CHST6: variants seen among roughly 807,000 people sequenced by gnomAD.
The protein encoded by CHST6 is carbohydrate sulfotransferase 6, also known as N-acetylglucosamine 6-O-sulfotransferase 5.
For synonymous variants in CHST6, 309 were observed against 276.4 expected (o/e 1.12, Z -1.17); for missense variants, 698 against 586.2 (o/e 1.19, Z -1.97).
rs1210182997 is a variant in CHST6, at chr16:75,485,504, C to T, written c.-91-3613G>A. Among the ~76,000 whole-genome samples the T allele has an allele frequency of 3.9e-5, 6 of 152,290 alleles. No individual in the cohort carries two copies. In the East Asian group the frequency reaches 1.2e-3, roughly 29 times the overall value. On this transcript the variant is annotated intron_variant, in intron 1 of 2. Transcript: ENST00000332272. ...AAACCTAAAACCAGAGCAAAACACT[C>T]CAGCTCACAGCTGAAGCTCACAGCT...
chr16:75,479,676 C>T lies in CHST6; in HGVS notation c.153G>A (p.Ser51=), dbSNP rs754836300. 13 of 1,612,346 alleles carry T rather than the reference C, an allele frequency of 8.1e-6. 1 individual carries two copies. The South Asian group carries it at 9.9e-5, about 12-fold the overall frequency. ...VHVLVLSSWR[S]GSSFVGQLFN... The stretch of plus-strand genomic sequence containing the variant: ...AGAGTTGGCCCACGAAGGACGAGCC[C>T]GAGCGCCACGAGGACAGCACCAGCA... Residue 51 remains serine (S), a synonymous_variant, in exon 3 of 3, where the codon TCG becomes TCA. Transcript: ENST00000332272.
At chr16:75,480,855 G>A (rs113244329) in intron 2 of CHST6, among the ~76,000 whole-genome samples, 287 of 150,672 alleles carry the variant, frequency 1.9e-3, no homozygotes, top group African/African-American at 6.4e-3. Context: ...GCTTGAACCC[G>A]GGAGGCAGAG....
Position 75,478,640 on chromosome 16 carries a change from A to C in CHST6, c.*1T>G. 6.2e-7 allele frequency: 1 copy of C among 1,613,232 alleles called. No homozygotes were observed. The highest frequency in any genetic ancestry group is 8.5e-7 in the Non-Finnish European group (1 of 1,179,762). On this transcript the variant is annotated 3_prime_UTR_variant, in exon 3 of 3. Transcript: ENST00000332272. ...AGCGCCTGCTACAACTGTGGCCTCCACTAATTTCGGGGGTGCGAGGCGGTG... is the reference window on the plus strand; with the variant it reads ...AGCGCCTGCTACAACTGTGGCCTCCCCTAATTTCGGGGGTGCGAGGCGGTG...
chr16:75,477,361 C>T lies in CHST6; in HGVS notation c.*1280G>A, dbSNP rs567231161. ...GGTTCCCCCAATCTGTGGCCACACC[C>T]AGGATGAGGATCAGAAGCTAGTGAC... On this transcript the variant is annotated 3_prime_UTR_variant, in exon 3 of 3. Coordinates refer to ENST00000332272, the MANE Select transcript of CHST6 (RefSeq NM_021615.5). 1.3e-5 allele frequency: 2 copies of T among 152,214 alleles called. No homozygotes were observed. Among genetic ancestry groups the T allele is most frequent in the South Asian group, 4.1e-4 (2 of 4,826 alleles). 9.4% of individuals were successfully genotyped at this position (152,214 alleles called of 1,614,324 possible).
chr16:75,478,241 G>T lies in CHST6; in HGVS notation c.*400C>A, dbSNP rs1033050286. 2.9e-6 allele frequency: 1 copy of T among 340,270 alleles called. No individual in the cohort carries two copies. Among genetic ancestry groups the T allele is most frequent in the African/African-American group, 2.1e-5 (1 of 46,984 alleles). 21.1% of individuals were successfully genotyped at this position (340,270 alleles called of 1,614,324 possible). A position where few individuals can be genotyped will look rare whatever the true frequency, so the allele number is the denominator to read the frequency against. On this transcript the variant is annotated 3_prime_UTR_variant, in exon 3 of 3. Coordinates refer to ENST00000332272, the MANE Select transcript of CHST6 (RefSeq NM_021615.5). ...ATATGTATGTGATGTACAGACCTCT[G>T]GAGCCATTTCACCACAGTGCCTCTC...
chr16:75,479,659 C>A lies in CHST6; in HGVS notation c.170G>T (p.Gly57Val). The change falls in exon 3 of 3, where the codon GGC (glycine) becomes GTC (valine). Residue 57 changes from glycine (G) to valine (V), a missense_variant. Transcript: ENST00000332272. ...SSWRSGSSFV[G>V]QLFNQHPDVF... is the part of the protein sequence containing the mutation. Reference sequence around the variant, plus strand: ...GTCGGGGTGCTGGTTGAAGAGTTGGCCCACGAAGGACGAGCCCGAGCGCCA... The same window carrying A: ...GTCGGGGTGCTGGTTGAAGAGTTGGACCACGAAGGACGAGCCCGAGCGCCA... The A allele has an allele frequency of 1.2e-6, 2 of 1,612,568 alleles. No homozygotes were observed. Among genetic ancestry groups the A allele is most frequent in the Non-Finnish European group, 1.7e-6 (2 of 1,179,700 alleles).
At chr16:75,484,346 A>G (rs539423037) in intron 1 of CHST6, among the ~76,000 whole-genome samples, 14 of 152,014 alleles carry the variant, frequency 9.2e-5, no homozygotes, top group Non-Finnish European at 1.9e-4. Flanking sequence ...CAAAAAGTAA[A>G]TAAATAAATA....
Position 75,477,686 on chromosome 16 carries a change from G to A in CHST6, c.*955C>T, listed in dbSNP as rs116535181. 0.033 allele frequency: 4,990 copies of A among 152,616 alleles called. 272 individuals are homozygous for A. Among genetic ancestry groups the A allele is most frequent in the African/African-American group, 0.11 (4,658 of 41,540 alleles). The allele number at this position is 152,616 out of a possible 1,614,324, so 9.5% of individuals were successfully genotyped here. ...GCCCCTTTGCCCCCAGAGCTAGGAG[G>A]TGTGGCTCACAGGCAGGGATCATCC... On this transcript the variant is annotated 3_prime_UTR_variant, in exon 3 of 3. Transcript: ENST00000332272.
chr16:75,487,217 A>T (rs1462230373), intron 1 of CHST6, among the ~76,000 whole-genome samples: 1 of 152,186 alleles, frequency 6.6e-6, no homozygotes, highest in Non-Finnish European at 1.5e-5. Flanking sequence ...GGCCTGAGAG[A>T]CCTAGGAAGG....
At chr16:75,481,689 C>T (rs1484383062) in intron 2 of CHST6, 128 bp downstream of exon 2, 1 of 373,850 alleles carries the variant, frequency 2.7e-6, no homozygotes. Context: ...GCAGCATGGG[C>T]TCCAGAGGGA....
At chr16:75,482,740 C>T (rs151121109) in intron 1 of CHST6, among the ~76,000 whole-genome samples, 1 of 152,126 alleles carries the variant, frequency 6.6e-6, no homozygotes, top group Non-Finnish European at 1.5e-5. Context: ...CCTTGCCTGC[C>T]CCCTTCCCCT....
At position 75,493,657 on chromosome 16, in the gene CHST6, A is replaced by G. The variant is rs183475065; in HGVS notation, c.-92+1283T>C. The stretch of plus-strand genomic sequence containing the variant: ...TGCACTTATGAGTATTTGCTTAGCA[A>G]TCTTCCTTCCTGGGCCACACTTATA... On this transcript the variant is annotated intron_variant, in intron 1 of 2. Transcript: ENST00000332272. Among the ~76,000 whole-genome samples the G allele has an allele frequency of 3.5e-3, 529 of 152,254 alleles. 1 individual carries two copies. The highest frequency in any genetic ancestry group is 0.012 in the African/African-American group (491 of 41,538).
chr16:75,494,263 A>C (rs2080286735), intron 1 of CHST6, among the ~76,000 whole-genome samples: 3 of 152,190 alleles, frequency 2.0e-5, no homozygotes, highest in African/African-American at 7.2e-5. Flanking sequence ...CTCTGTTTGT[A>C]GAACAAAGCC....
rs963015606 is a variant in CHST6, at chr16:75,473,092, A to T, written c.*5549T>A. Reference sequence around the variant, plus strand: ...CGTTCTCAAGTGTATCGGTTAGGCAATGCTACGTAACAAACCACCACAACA... The same window carrying T: ...CGTTCTCAAGTGTATCGGTTAGGCATTGCTACGTAACAAACCACCACAACA... On this transcript the variant is annotated 3_prime_UTR_variant, in exon 3 of 3. Coordinates refer to ENST00000332272, the MANE Select transcript of CHST6 (RefSeq NM_021615.5). 1 of 152,394 alleles carries T rather than the reference A, an allele frequency of 6.6e-6. No homozygotes were observed. The highest frequency in any genetic ancestry group is 2.1e-4 in the South Asian group (1 of 4,828). The allele number at this position is 152,394 out of a possible 1,614,324, so 9.4% of individuals were successfully genotyped here. A position where few individuals can be genotyped will look rare whatever the true frequency, so the allele number is the denominator to read the frequency against.
Position 75,478,051 on chromosome 16 carries a change from G to A in CHST6, c.*590C>T. 1 of 166,920 alleles carries A rather than the reference G, an allele frequency of 6.0e-6. No homozygotes were observed. Among genetic ancestry groups the A allele is most frequent in the Admixed American group, 5.5e-5 (1 of 18,140 alleles). The allele number at this position is 166,920 out of a possible 1,614,324, so 10.3% of individuals were successfully genotyped here. A position where few individuals can be genotyped will look rare whatever the true frequency, so the allele number is the denominator to read the frequency against. ...ATGACTCTGCTTGCTCTTCCCTAAA[G>A]CAATTAAAATAGGAAAATCTGACCC... is the stretch of plus-strand genomic sequence containing the variant. On this transcript the variant is annotated 3_prime_UTR_variant, in exon 3 of 3. Coordinates refer to ENST00000332272, the MANE Select transcript of CHST6 (RefSeq NM_021615.5).
At chr16:75,488,704 C>T (rs1240504662) in intron 1 of CHST6, among the ~76,000 whole-genome samples, 1 of 151,894 alleles carries the variant, frequency 6.6e-6, no homozygotes, top group Non-Finnish European at 1.5e-5. Flanking sequence ...ATAAAACAGG[C>T]CAGGTGCGGT....
At position 75,481,886 on chromosome 16, in the gene CHST6, C is replaced by G. The variant is rs1417936963; in HGVS notation, c.-86G>C. The stretch of plus-strand genomic sequence containing the variant: ...CCATGGGAGATGATTAGAGGTTCCT[C>G]AGCACCTGGTAAAGCAGGAGGGCGA... On this transcript the variant is annotated 5_prime_UTR_variant, in exon 2 of 3. Coordinates refer to ENST00000332272, the MANE Select transcript of CHST6 (RefSeq NM_021615.5). 1 of 492,924 alleles carries G rather than the reference C, an allele frequency of 2.0e-6. No homozygotes were observed. Among genetic ancestry groups the G allele is most frequent in the South Asian group, 1.5e-5 (1 of 64,938 alleles). 30.5% of individuals were successfully genotyped at this position (492,924 alleles called of 1,614,324 possible).
chr16:75,492,749 C>G (rs2080269449), intron 1 of CHST6, among the ~76,000 whole-genome samples: 1 of 124,518 alleles, frequency 8.0e-6, no homozygotes, highest in East Asian at 2.8e-4. Flanking sequence ...ACCCAGGAGG[C>G]TGAGGCAGGA....
At chr16:75,488,093 C>A (rs936298047) in intron 1 of CHST6, among the ~76,000 whole-genome samples, 14 of 152,142 alleles carry the variant, frequency 9.2e-5, no homozygotes, top group Non-Finnish European at 1.5e-4. Flanking sequence ...TCTAAGGGAA[C>A]AAAATGTAAC....
Sources: gnomAD v4.1 joint callset for allele counts (sites outside exome capture counted in the v4.1 genomes callset) on GRCh38, gnomAD v4.1.1 for gene constraint, MANE v1.5 for transcripts, NCBI Gene and HGNC (gene_info 2026-07-23, HGNC 2026-07-21) for gene names.